Variants in NTN1 observed in about 807,000 individuals in gnomAD.
NTN1 encodes the protein netrin-1.
Under a neutral mutation model 54.2 loss-of-function variants are expected in NTN1, and 11 were observed. The ratio of observed to expected loss-of-function variants is 0.20; its 90% confidence interval spans 0.13 to 0.34. The LOEUF (loss-of-function observed/expected upper bound fraction) is 0.34, where lower values mean the gene tolerates loss of function less well. Ranked by LOEUF, NTN1 falls within the 10% of genes least tolerant of loss-of-function variation. The pLI, the probability that NTN1 is intolerant of heterozygous loss-of-function variation, is 1.00. For synonymous variants in NTN1, 371 were observed against 382.0 expected (o/e 0.97, Z 0.33); for missense variants, 740 against 893.1 (o/e 0.83, Z 2.18).
intron 5 of NTN1, among the ~76,000 whole-genome samples, chr17:9,201,362 G>T (rs879399714): frequency 6.6e-6 from 1 of 152,204 alleles, no homozygotes; most frequent in Non-Finnish European, 1.5e-5. Flanking sequence ...CAAGGTTTTG[G>T]TGAGCATATT....
intron 2 of NTN1, among the ~76,000 whole-genome samples, chr17:9,104,888 C>T (rs9912118): frequency 0.81 from 123,616 of 152,146 alleles, 50,587 homozygotes; most frequent in East Asian, 0.96. Context: ...CTGCTGCTCA[C>T]AGGACATTTC....
At chr17:9,133,503 C>T (rs930918281) in intron 2 of NTN1, among the ~76,000 whole-genome samples, 1 of 152,134 alleles carries the variant, frequency 6.6e-6, no homozygotes, top group Non-Finnish European at 1.5e-5. Flanking sequence ...GGGCTGGGAG[C>T]CAGGGCGCAT....
At position 9,091,224 on chromosome 17, in the gene NTN1, A is replaced by T. The variant is rs575862028; in HGVS notation, c.1018+67833A>T. 4.6e-5 allele frequency among the ~76,000 whole-genome samples: 7 copies of T among 152,330 alleles called. No homozygotes were observed. In the South Asian group the frequency reaches 1.5e-3, roughly 32 times the overall value. On this transcript the variant is annotated intron_variant, in intron 2 of 6. Transcript: ENST00000173229. The stretch of plus-strand genomic sequence containing the variant: ...TATTATTATTTAATTGTGGTAAAAT[A>T]TACATAACATAAAATGTACCATCTA...
chr17:9,103,621 T>C (rs1403827398), intron 2 of NTN1, among the ~76,000 whole-genome samples: 1 of 152,136 alleles, frequency 6.6e-6, no homozygotes, highest in East Asian at 1.9e-4. Context: ...GCGTCTTTCC[T>C]TTATAAATTA....
chr17:9,120,428 G>A (rs903469512), intron 2 of NTN1, among the ~76,000 whole-genome samples: 4 of 152,174 alleles, frequency 2.6e-5, no homozygotes, highest in Non-Finnish European at 5.9e-5. Context: ...CTGCATAAAT[G>A]TCCAAGCGTG....
At chr17:9,035,014 G>A (rs550000893) in intron 2 of NTN1, among the ~76,000 whole-genome samples, 10 of 152,094 alleles carry the variant, frequency 6.6e-5, no homozygotes, top group African/African-American at 1.4e-4. Flanking sequence ...TGGCGTGATC[G>A]CGGCTCGCTG....
At chr17:9,198,245 G>T (rs557464410) in intron 5 of NTN1, among the ~76,000 whole-genome samples, 4 of 152,224 alleles carry the variant, frequency 2.6e-5, no homozygotes, top group Admixed American at 2.6e-4. Context: ...GATCACGCGG[G>T]AGCTTGGGAA....
chr17:9,012,249 C>T, the NTN1 span, among the ~76,000 whole-genome samples: 4,917 of 152,108 alleles, frequency 0.032, 242 homozygotes, highest in African/African-American at 0.11. Context: ...CAGCAGCTCA[C>T]GCCTGTAATC....
intron 2 of NTN1, among the ~76,000 whole-genome samples, chr17:9,026,999 T>C (rs947446230): frequency 6.6e-6 from 1 of 152,182 alleles, no homozygotes; most frequent in Non-Finnish European, 1.5e-5. Context: ...TGCTTGTGAT[T>C]GTTTAAATGT....
chr17:9,152,090 T>C (rs909823165), intron 2 of NTN1, among the ~76,000 whole-genome samples: 3 of 152,206 alleles, frequency 2.0e-5, no homozygotes, highest in Non-Finnish European at 4.4e-5. Flanking sequence ...CGGGTCACCT[T>C]CCACGCTGTG....
At chr17:9,173,606 A>T (rs2092392977) in intron 3 of NTN1, 1 of 152,302 alleles carries the variant, frequency 6.6e-6, no homozygotes, top group South Asian at 2.1e-4. Flanking sequence ...TTCTTTGTGG[A>T]TGGCGTCCAC....
At chr17:9,230,934 T>A (rs1278633418) in intron 6 of NTN1, among the ~76,000 whole-genome samples, 1 of 151,956 alleles carries the variant, frequency 6.6e-6, no homozygotes, top group Non-Finnish European at 1.5e-5. Context: ...CAGTATCTCC[T>A]GCCCTTTTAC....
chr17:9,056,665 G>A (rs1396017557), intron 2 of NTN1, among the ~76,000 whole-genome samples: 1 of 152,060 alleles, frequency 6.6e-6, no homozygotes, highest in Non-Finnish European at 1.5e-5. Context: ...GTTTGGGGCC[G>A]AGGAAGGGCA....
intron 5 of NTN1, among the ~76,000 whole-genome samples, chr17:9,205,152 C>A (rs894660170): frequency 6.6e-6 from 1 of 152,194 alleles, no homozygotes; most frequent in Non-Finnish European, 1.5e-5. Flanking sequence ...TGGCCCACTT[C>A]CCCTGGAAGG....
chr17:9,085,906 A>T (rs2092088782), intron 2 of NTN1, among the ~76,000 whole-genome samples: 2 of 152,026 alleles, frequency 1.3e-5, no homozygotes, highest in African/African-American at 4.8e-5. Flanking sequence ...ACGTGGGGAG[A>T]ACTGTCTCCT....
At chr17:9,097,037 TGAC>T (rs1486095468) in intron 2 of NTN1, among the ~76,000 whole-genome samples, 1 of 152,254 alleles carries the variant, frequency 6.6e-6, no homozygotes, top group Non-Finnish European at 1.5e-5. Context: ...TTTGCATTGC[TGAC>T]TCACTGAGAC....
At chr17:9,125,076 T>G (rs935854902) in intron 2 of NTN1, among the ~76,000 whole-genome samples, 11 of 152,142 alleles carry the variant, frequency 7.2e-5, no homozygotes, top group African/African-American at 2.4e-4. Flanking sequence ...CCTTTTATTT[T>G]TTTAAGACAG....
intron 2 of NTN1, among the ~76,000 whole-genome samples, chr17:9,055,786 G>C (rs1032341636): frequency 6.6e-6 from 1 of 152,164 alleles, no homozygotes; most frequent in African/African-American, 2.4e-5. Flanking sequence ...CGGTGGGGCA[G>C]TCATGGCTCA....
At chr17:9,126,945 C>G (rs1283703831) in intron 2 of NTN1, among the ~76,000 whole-genome samples, 2 of 151,716 alleles carry the variant, frequency 1.3e-5, no homozygotes, top group Non-Finnish European at 2.9e-5. Flanking sequence ...AGCAGGGTAC[C>G]ACGTGTCTCA....
Sources: allele counts gnomAD v4.1 joint callset (sites outside exome capture counted in the v4.1 genomes callset), GRCh38; gene constraint gnomAD v4.1.1; transcripts MANE v1.5; gene names NCBI Gene and HGNC (gene_info 2026-07-23, HGNC 2026-07-21).